Variants in AAMDC observed in about 807,000 individuals in gnomAD.
AAMDC encodes the protein adipogenesis associated Mth938 domain containing.
Under a neutral mutation model 15.5 loss-of-function variants are expected in AAMDC, and 16 were observed. That is an observed-to-expected ratio of 1.03 (90% CI 0.70 to 1.57). The LOEUF (loss-of-function observed/expected upper bound fraction) is 1.57. Ranked by LOEUF, AAMDC falls within the 40% of genes most tolerant of loss-of-function variation. AAMDC has a pLI of 0.00. For synonymous variants in AAMDC, 51 were observed against 51.6 expected (o/e 0.99, Z 0.05); for missense variants, 141 against 144.9 (o/e 0.97, Z 0.14).
chr11:77,834,973 C>T (rs183936244), intron 1 of AAMDC, among the ~76,000 whole-genome samples: 1 of 151,980 alleles, frequency 6.6e-6, no homozygotes, highest in Admixed American at 6.6e-5. Context: ...GAAGGGTATC[C>T]ATATTTTTAT....
At chr11:77,902,473 A>G (rs1463786344), downstream of AAMDC, among the ~76,000 whole-genome samples, 1 of 152,204 alleles carries the variant, frequency 6.6e-6, no homozygotes, top group African/African-American at 2.4e-5. Context: ...ACAAGAGTTC[A>G]GCACTGTAGT....
chr11:77,852,027 G>A (rs1194506377), intron 2 of AAMDC, among the ~76,000 whole-genome samples: 1 of 151,846 alleles, frequency 6.6e-6, no homozygotes, highest in Non-Finnish European at 1.5e-5. Flanking sequence ...CTAGTCCTCT[G>A]TGGCCCTCTT....
intron 5 of AAMDC, among the ~76,000 whole-genome samples, chr11:77,894,857 T>C (rs1952442576): frequency 6.6e-6 from 1 of 152,240 alleles, no homozygotes; most frequent in African/African-American, 2.4e-5. Flanking sequence ...CTACAGCCAT[T>C]GTATCGGCAT....
intron 2 of AAMDC, among the ~76,000 whole-genome samples, chr11:77,860,254 T>A (rs1301861615): frequency 6.6e-6 from 1 of 152,242 alleles, no homozygotes; most frequent in Non-Finnish European, 1.5e-5. Flanking sequence ...TGGGTATTGC[T>A]TTCTGAGTTT....
chr11:77,872,134 G>T, intron 3 of AAMDC, 41 bp from the exon 4 acceptor site: 1 of 1,592,038 alleles, frequency 6.3e-7, no homozygotes, highest in Non-Finnish European at 8.5e-7. Flanking sequence ...CCCCTGGGGG[G>T]CCTTTCCCCC....
At chr11:77,878,933 GA>G in intron 5 of AAMDC, 2 of 1,608,978 alleles carry the variant, frequency 1.2e-6, no homozygotes, top group Non-Finnish European at 1.7e-6. Flanking sequence ...CCACGGTTGG[GA>G]AGACTGTTTT....
downstream of AAMDC, chr11:77,877,024 GCACAT>G (rs1951615463): frequency 1.4e-6 from 1 of 703,088 alleles, no homozygotes; most frequent in Admixed American, 2.0e-5. Flanking sequence ...CAGCTTCATG[GCACAT>G]CCTTGAGAGA....
At chr11:77,837,517 C>T (rs576814442) in intron 1 of AAMDC, among the ~76,000 whole-genome samples, 11 of 152,140 alleles carry the variant, frequency 7.2e-5, no homozygotes, top group South Asian at 4.1e-4. Context: ...TGCAGTGGTG[C>T]GATCTTGGCT....
chr11:77,883,331 T>C lies in AAMDC; in HGVS notation c.328+6282T>C, dbSNP rs762917628. ...AAAGCAGGCTTACAGGCTTGAAATGTAATCTCCTTTGTACTTGTATTCTCC... is the reference window on the plus strand; with the variant it reads ...AAAGCAGGCTTACAGGCTTGAAATGCAATCTCCTTTGTACTTGTATTCTCC... On this transcript the variant is annotated intron_variant, in intron 5 of 5. Coordinates refer to the AAMDC transcript ENST00000304716. Among the ~76,000 whole-genome samples, 12 of 152,326 alleles carry C rather than the reference T, an allele frequency of 7.9e-5. No individual in the cohort carries two copies. In the South Asian group the frequency reaches 8.3e-4, roughly 11 times the overall value.
intron 2 of AAMDC, chr11:77,850,684 A>G (rs1950332394): frequency 6.6e-6 from 1 of 152,182 alleles, no homozygotes; most frequent in African/African-American, 2.4e-5. Flanking sequence ...TGAATAATAT[A>G]ATACATTTCC....
chr11:77,904,992 T>A (rs559025312), downstream of AAMDC, among the ~76,000 whole-genome samples: 1 of 152,200 alleles, frequency 6.6e-6, no homozygotes, highest in Non-Finnish European at 1.5e-5. Flanking sequence ...GATTAAGGAA[T>A]ATCAGAAACC....
chr11:77,870,837 C>A (rs1230250852), intron 3 of AAMDC, among the ~76,000 whole-genome samples: 2 of 152,084 alleles, frequency 1.3e-5, no homozygotes. Flanking sequence ...TACTTATAAC[C>A]ATTTTACATA....
At chr11:77,873,116 T>C (rs559153869), downstream of AAMDC, among the ~76,000 whole-genome samples, 2 of 152,316 alleles carry the variant, frequency 1.3e-5, no homozygotes, top group Admixed American at 6.5e-5. Flanking sequence ...TTATTTTTAA[T>C]TTTTCTTTCT....
chr11:77,842,413 CT>C (rs1949969018), intron 1 of AAMDC, 65 bp from the exon 2 acceptor site: 1 of 1,447,166 alleles, frequency 6.9e-7, no homozygotes, highest in Non-Finnish European at 9.4e-7. Flanking sequence ...CTTAGTATCA[CT>C]GTATTTTCAA....
intron 2 of AAMDC, among the ~76,000 whole-genome samples, chr11:77,863,881 G>C (rs1950992624): frequency 6.6e-6 from 1 of 152,048 alleles, no homozygotes; most frequent in Non-Finnish European, 1.5e-5. Flanking sequence ...AAATTTTAAA[G>C]TCAGCAATTA....
chr11:77,834,952 C>T (rs1949617501), intron 1 of AAMDC, among the ~76,000 whole-genome samples: 1 of 151,952 alleles, frequency 6.6e-6, no homozygotes, highest in African/African-American at 2.4e-5. Context: ...TGAGCTAAAC[C>T]AGAGTAGTCC....
intron 5 of AAMDC, chr11:77,883,767 C>G: frequency 6.5e-7 from 1 of 1,544,858 alleles, no homozygotes; most frequent in Non-Finnish European, 8.8e-7. Flanking sequence ...AAAAACCAAA[C>G]GCTTAAGGGT....
At chr11:77,838,421 T>TTTCCTTGAAGAAGAAGAAGTATTTC (rs1166542998) in intron 1 of AAMDC, among the ~76,000 whole-genome samples, 1 of 152,156 alleles carries the variant, frequency 6.6e-6, no homozygotes, top group African/African-American at 2.4e-5. Context: ...AAAACTGATG[T>TTTCCTTGAAGAAGAAGAAGTATTTC]TTCCTTGAAG....
chr11:77,833,927 A>G (rs1351599075), intron 1 of AAMDC, among the ~76,000 whole-genome samples: 1 of 152,214 alleles, frequency 6.6e-6, no homozygotes, highest in Non-Finnish European at 1.5e-5. Flanking sequence ...TATACATGTT[A>G]GAAGCTCAAA....
Sources: allele counts gnomAD v4.1 joint callset (sites outside exome capture counted in the v4.1 genomes callset), GRCh38; gene constraint gnomAD v4.1.1; transcripts MANE v1.5; gene names NCBI Gene and HGNC (gene_info 2026-07-23, HGNC 2026-07-21).